SLC35F3: variants seen among roughly 807,000 people sequenced by gnomAD.
SLC35F3 encodes putative thiamine transporter SLC35F3.
Under a neutral mutation model 49.9 loss-of-function variants are expected in SLC35F3, and 25 were observed. The ratio of observed to expected loss-of-function variants is 0.50; its 90% confidence interval spans 0.37 to 0.70. SLC35F3 has a LOEUF of 0.70. Ranked by LOEUF, SLC35F3 falls within the 30% of genes least tolerant of loss-of-function variation. The probability of loss-of-function intolerance (pLI) is 0.00; values close to 1 mark genes in which losing one functional copy is unlikely to be tolerated. For synonymous variants in SLC35F3, 275 were observed against 265.4 expected, an observed-to-expected ratio of 1.04 and a Z score of -0.35; for missense variants, 525 against 639.8, an observed-to-expected ratio of 0.82 and a Z score of 1.94.
intron 2 of SLC35F3, among the ~76,000 whole-genome samples, chr1:234,084,439 AAAC>A (rs541717755): frequency 2.9e-4 from 44 of 152,360 alleles, no homozygotes; most frequent in African/African-American, 9.6e-4. Flanking sequence ...GCACAGTGAA[AAAC>A]AACATGTTTT....
At chr1:234,279,289 TGAATA>T (rs1003972726) in intron 3 of SLC35F3, among the ~76,000 whole-genome samples, 3 of 152,286 alleles carry the variant, frequency 2.0e-5, no homozygotes, top group East Asian at 1.9e-4. Flanking sequence ...AAGGGGTGAC[TGAATA>T]GAATAGGAGG....
chr1:234,209,137 G>A (rs1356446060), intron 2 of SLC35F3, among the ~76,000 whole-genome samples: 1 of 152,178 alleles, frequency 6.6e-6, no homozygotes, highest in Non-Finnish European at 1.5e-5. Flanking sequence ...AGGAATAGGG[G>A]TCAGAGGTCA....
At chr1:234,096,775 G>A (rs961846340) in intron 2 of SLC35F3, among the ~76,000 whole-genome samples, 4 of 151,958 alleles carry the variant, frequency 2.6e-5, no homozygotes, top group African/African-American at 9.7e-5. Context: ...CAATTACAAG[G>A]CTATTTCAAT....
chr1:234,078,455 G>A lies in SLC35F3; in HGVS notation c.284-152962G>A, dbSNP rs145963871. On this transcript the variant is annotated intron_variant, in intron 2 of 7. Coordinates refer to ENST00000366618, the MANE Select transcript of SLC35F3 (RefSeq NM_173508.4). Reference sequence around the variant, plus strand: ...GACCTCTATGTTAAGTTTAACCATAGGCATTTTTCAGTCTTCAGTGAACTC... The same window carrying A: ...GACCTCTATGTTAAGTTTAACCATAAGCATTTTTCAGTCTTCAGTGAACTC... 3.6e-3 allele frequency among the ~76,000 whole-genome samples: 546 copies of A among 152,230 alleles called. 1 individual carries two copies. Among genetic ancestry groups the A allele is most frequent in the Middle Eastern group, 0.02 (6 of 294 alleles).
chr1:233,981,704 C>T (rs1486604527), intron 2 of SLC35F3, among the ~76,000 whole-genome samples: 3 of 150,742 alleles, frequency 2.0e-5, no homozygotes, highest in East Asian at 1.9e-4. Context: ...TTTTGGGTTG[C>T]GTAGTAAGTG....
At chr1:234,196,036 G>A (rs1666805356) in intron 2 of SLC35F3, among the ~76,000 whole-genome samples, 1 of 152,116 alleles carries the variant, frequency 6.6e-6, no homozygotes, top group African/African-American at 2.4e-5. Flanking sequence ...TATCAGCAGT[G>A]TGGAAATGGA....
At position 234,320,310 on chromosome 1, in the gene SLC35F3, ATGCATACACACACACACACATACTCT is replaced by A; in HGVS notation, c.1237+124_1237+149del. On this transcript the variant is annotated intron_variant, in intron 7 of 7. Transcript: ENST00000366618. This position sits in a 1 kb window ranked among gnomAD's most constrained non-coding sequence, Gnocchi z 4.8. ...CACATACACTCACATACACACACTC[ATGCATACACACACACACACATACTCT>A]CACATACATACTCACATATATTATT... 1 of 699,700 alleles carries A rather than the reference ATGCATACACACACACACACATACTCT, an allele frequency of 1.4e-6. No individual in the cohort carries two copies. The highest frequency in any genetic ancestry group is 2.6e-5 in the East Asian group (1 of 37,988). The allele number at this position is 699,700 out of a possible 1,614,324, so 43.3% of individuals were successfully genotyped here. A position where few individuals can be genotyped will look rare whatever the true frequency, so the allele number is the denominator to read the frequency against.
chr1:234,201,558 AT>A (rs1666900281), intron 2 of SLC35F3, among the ~76,000 whole-genome samples: 1 of 152,224 alleles, frequency 6.6e-6, no homozygotes, highest in African/African-American at 2.4e-5. Flanking sequence ...CAAATCCCAA[AT>A]TAGAATCCTG....
intron 2 of SLC35F3, among the ~76,000 whole-genome samples, chr1:233,970,351 G>A (rs943028560): frequency 4.6e-5 from 7 of 152,212 alleles, no homozygotes; most frequent in African/African-American, 1.7e-4. Context: ...ACAGCCTGAG[G>A]ATGGATCAGA....
At chr1:234,179,910 AG>A (rs1297063824) in intron 2 of SLC35F3, among the ~76,000 whole-genome samples, 1 of 152,182 alleles carries the variant, frequency 6.6e-6, no homozygotes, top group Non-Finnish European at 1.5e-5. Context: ...AAAGGTAAAA[AG>A]CCTTTCCCCC....
At chr1:233,954,107 A>G (rs77667328) in intron 2 of SLC35F3, among the ~76,000 whole-genome samples, 1 of 152,136 alleles carries the variant, frequency 6.6e-6, no homozygotes, top group African/African-American at 2.4e-5. Flanking sequence ...CCCGGGTTCA[A>G]GCTATTCTCC....
intron 2 of SLC35F3, among the ~76,000 whole-genome samples, chr1:234,068,843 A>G (rs1266803234): frequency 7.5e-6 from 1 of 133,724 alleles, no homozygotes; most frequent in African/African-American, 2.8e-5. Flanking sequence ...ATATATATAT[A>G]TATATATATA....
Position 234,046,559 on chromosome 1 carries a change from CTTTG to C in SLC35F3, c.283+140807_283+140810del, listed in dbSNP as rs146107720. 2.1e-3 allele frequency among the ~76,000 whole-genome samples: 312 copies of C among 152,128 alleles called. No homozygotes were observed. Among genetic ancestry groups the C allele is most frequent in the African/African-American group, 7.1e-3 (295 of 41,516 alleles). On this transcript the variant is annotated intron_variant, in intron 2 of 7. Coordinates refer to ENST00000366618, the MANE Select transcript of SLC35F3 (RefSeq NM_173508.4). The surrounding 1 kb of genome is among the most constrained non-coding windows in gnomAD (Gnocchi z 4.4). ...TCCCTTGCTGTGGTTTTTATTTGCACTTTGTTTGTGAGGTCTTTTTTGTTTGTGC... is the reference window on the plus strand; with the variant it reads ...TCCCTTGCTGTGGTTTTTATTTGCACTTTGTGAGGTCTTTTTTGTTTGTGC...
At chr1:234,277,231 A>T (rs1315857127) in intron 3 of SLC35F3, among the ~76,000 whole-genome samples, 1 of 152,112 alleles carries the variant, frequency 6.6e-6, no homozygotes, top group Non-Finnish European at 1.5e-5. Flanking sequence ...GTTGAGGGGG[A>T]GTGTCCTCCC....
intron 2 of SLC35F3, among the ~76,000 whole-genome samples, chr1:234,018,036 A>C (rs992641897): frequency 3.9e-5 from 6 of 152,054 alleles, no homozygotes; most frequent in Admixed American, 2.0e-4. Context: ...GTAGATCTAG[A>C]AAAGGGCACT....
intron 2 of SLC35F3, among the ~76,000 whole-genome samples, chr1:234,181,338 G>GAAAAAAAAAAAAAAA (rs34757532): frequency 3.1e-5 from 3 of 97,308 alleles, no homozygotes; most frequent in South Asian, 3.0e-4. Flanking sequence ...TCTGTCTCAA[G>GAAAAAAAAAAAAAAA]AAAAAAAAAA....
chr1:234,045,723 TA>T (rs57918903), intron 2 of SLC35F3, among the ~76,000 whole-genome samples: 2,839 of 151,704 alleles, frequency 0.019, 95 homozygotes, highest in African/African-American at 0.065. Context: ...TTTTTTTTTT[TA>T]AAGAAATAGA....
chr1:234,228,900 A>G (rs929980736), intron 2 of SLC35F3, among the ~76,000 whole-genome samples: 1 of 152,218 alleles, frequency 6.6e-6, no homozygotes, highest in Admixed American at 6.5e-5. Context: ...CTTTTTATTT[A>G]TATGAGGTGT....
rs1460118615 is a variant in SLC35F3, at chr1:234,214,609, C to A, written c.284-16808C>A. The stretch of plus-strand genomic sequence containing the variant: ...GGCCGCCTCGCCCCGGGGGTCCCTG[C>A]ACCCTAGCCGGGGAATGCTGCCACC... On this transcript the variant is annotated intron_variant, in intron 2 of 7. Transcript: ENST00000366618. This position sits in a 1 kb window ranked among gnomAD's most constrained non-coding sequence, Gnocchi z 8.0. The A allele has an allele frequency of 2.0e-6, 3 of 1,512,668 alleles. No individual in the cohort carries two copies. Among genetic ancestry groups the A allele is most frequent in the Admixed American group, 2.1e-5 (1 of 46,684 alleles). The allele number at this position is 1,512,668 out of a possible 1,614,324, so 93.7% of individuals were successfully genotyped here.
Sources: allele counts gnomAD v4.1 joint callset (sites outside exome capture counted in the v4.1 genomes callset), GRCh38; gene constraint gnomAD v4.1.1; non-coding constraint Gnocchi (gnomAD v3.1); transcripts MANE v1.5; gene names NCBI Gene and HGNC (gene_info 2026-07-23, HGNC 2026-07-21).